The following SNTG1 variants were observed in gnomAD, a reference collection of about 807,000 sequenced individuals.
SNTG1 encodes gamma-1-syntrophin.
SNTG1 carries 39 observed loss-of-function variants against 74.7 expected under a neutral mutation model. The observed-to-expected ratio is 0.52, with a 90% CI of 0.40 to 0.68. The LOEUF is 0.68. Ranked by LOEUF, SNTG1 falls within the 30% of genes least tolerant of loss-of-function variation. The pLI is 0.00. For synonymous variants in SNTG1, 254 were observed against 217.1 expected (o/e 1.17, Z -1.49); for missense variants, 685 against 609.5 (o/e 1.12, Z -1.30).
intron 12 of SNTG1, among the ~76,000 whole-genome samples, chr8:50,576,589 C>A (rs1426146277): frequency 6.6e-6 from 1 of 151,994 alleles, no homozygotes; most frequent in Non-Finnish European, 1.5e-5. Flanking sequence ...ATCTTCACAT[C>A]TATGAAGATG....
intron 15 of SNTG1, among the ~76,000 whole-genome samples, chr8:50,669,830 A>C (rs1304733222): frequency 6.6e-6 from 1 of 152,166 alleles, no homozygotes; most frequent in Non-Finnish European, 1.5e-5. Context: ...GCACATCAAA[A>C]AGCTTATCCA....
intron 2 of SNTG1, among the ~76,000 whole-genome samples, chr8:50,288,487 G>A (rs928739625): frequency 2.6e-5 from 4 of 152,152 alleles, no homozygotes; most frequent in Non-Finnish European, 4.4e-5. Context: ...TATACTGCCT[G>A]TGAGAGCAGA....
At position 50,122,931 on chromosome 8, in the gene SNTG1, T is replaced by C. The variant is rs771957949; in HGVS notation, c.-102-49630T>C. Among the ~76,000 whole-genome samples the C allele has an allele frequency of 5.6e-5, 8 of 142,518 alleles. 1 individual carries two copies. Among genetic ancestry groups the C allele is most frequent in the African/African-American group, 5.1e-5 (2 of 39,368 alleles). The allele number at this position is 142,518 out of a possible 152,430, so 93.5% of individuals were successfully genotyped here. A position where few individuals can be genotyped will look rare whatever the true frequency, so the allele number is the denominator to read the frequency against. On this transcript the variant is annotated intron_variant, in intron 1 of 18. Coordinates refer to ENST00000642720, the MANE Select transcript of SNTG1 (RefSeq NM_018967.5). ...TGGAAATACATTTATTTAACAAATA[T>C]TTACATAGAGGCTTTTATGTGCTAA...
intron 13 of SNTG1, among the ~76,000 whole-genome samples, chr8:50,602,963 G>T (rs553801662): frequency 2.8e-5 from 4 of 144,048 alleles, no homozygotes; most frequent in Non-Finnish European, 6.0e-5. Flanking sequence ...TCTGGCCTTT[G>T]GAAGTTTGAT....
rs2095700589 is a variant in SNTG1, at chr8:50,794,703, G to A, written c.*1874G>A. The A allele has an allele frequency of 6.6e-6, 1 of 151,974 alleles. No homozygotes were observed. Among genetic ancestry groups the A allele is most frequent in the Non-Finnish European group, 1.5e-5 (1 of 67,938 alleles). The allele number at this position is 151,974 out of a possible 1,614,324, so 9.4% of individuals were successfully genotyped here. On this transcript the variant is annotated 3_prime_UTR_variant, in exon 19 of 19. Transcript: ENST00000642720. ...CAGCTGTGGCAAGTGGTTCATTATG[G>A]AACTTCTGCTTCCAACCAGAGCTGA... is the stretch of plus-strand genomic sequence containing the variant.
intron 2 of SNTG1, among the ~76,000 whole-genome samples, chr8:50,254,689 T>C (rs2086795084): frequency 6.6e-6 from 1 of 151,752 alleles, no homozygotes; most frequent in South Asian, 2.1e-4. Flanking sequence ...CTACTAAAAA[T>C]ACAAAAATTA....
chr8:50,112,405 G>A (rs2131308278), intron 1 of SNTG1, among the ~76,000 whole-genome samples: 1 of 150,838 alleles, frequency 6.6e-6, no homozygotes, highest in East Asian at 2.0e-4. Flanking sequence ...AAGCAATACA[G>A]CAATTGGATC....
chr8:50,188,126 A>G (rs2083447940), intron 2 of SNTG1, among the ~76,000 whole-genome samples: 1 of 152,142 alleles, frequency 6.6e-6, no homozygotes, highest in Non-Finnish European at 1.5e-5. Context: ...CCACTTATTG[A>G]CAATCATTCT....
chr8:50,550,684 A>AGTGTGT lies in SNTG1; in HGVS notation c.681-2361_681-2356dup, dbSNP rs201370751. Among the ~76,000 whole-genome samples, 199 of 145,444 alleles carry AGTGTGT rather than the reference A, an allele frequency of 1.4e-3. 1 individual carries two copies. Among genetic ancestry groups the AGTGTGT allele is most frequent in the African/African-American group, 4.9e-3 (183 of 37,648 alleles). ...ACTCTTCAGTGATGTAATTTTTTTT[A>AGTGTGT]GTGTGTGTGTATATATATATATATG... On this transcript the variant is annotated intron_variant, in intron 11 of 18. Transcript: ENST00000642720.
At chr8:49,991,186 A>G (rs1813651174) in intron 1 of SNTG1, among the ~76,000 whole-genome samples, 1 of 152,180 alleles carries the variant, frequency 6.6e-6, no homozygotes, top group Non-Finnish European at 1.5e-5. Context: ...AACACATGAA[A>G]AAGATGATCA....
intron 1 of SNTG1, among the ~76,000 whole-genome samples, chr8:49,945,320 TGG>T (rs1809076705): frequency 6.6e-6 from 1 of 152,190 alleles, no homozygotes; most frequent in Admixed American, 6.5e-5. Context: ...GTGGAACTTT[TGG>T]GAGCAGCATC....
intron 2 of SNTG1, among the ~76,000 whole-genome samples, chr8:50,205,985 T>C (rs2084213956): frequency 6.6e-6 from 1 of 152,150 alleles, no homozygotes; most frequent in South Asian, 2.1e-4. Context: ...GTAGTATAGT[T>C]TGAAGTCAGG....
chr8:50,571,445 G>A (rs937512677), intron 12 of SNTG1, among the ~76,000 whole-genome samples: 3 of 152,208 alleles, frequency 2.0e-5, no homozygotes, highest in African/African-American at 7.2e-5. Flanking sequence ...CTCAATAGAC[G>A]AGCTGTTTGG....
At chr8:50,646,290 G>T (rs1048079803) in intron 13 of SNTG1, among the ~76,000 whole-genome samples, 1 of 152,090 alleles carries the variant, frequency 6.6e-6, no homozygotes, top group African/African-American at 2.4e-5. Flanking sequence ...TCTGTCCTTT[G>T]GAAGGTTCAT....
chr8:50,039,835 G>A (rs905673362), intron 1 of SNTG1, among the ~76,000 whole-genome samples: 6 of 152,164 alleles, frequency 3.9e-5, no homozygotes, highest in Non-Finnish European at 7.4e-5. Context: ...AGACCCGTAA[G>A]TCATGATTCA....
chr8:50,556,816 G>A (rs2094458192), intron 12 of SNTG1, among the ~76,000 whole-genome samples: 1 of 152,150 alleles, frequency 6.6e-6, no homozygotes, highest in Non-Finnish European at 1.5e-5. Flanking sequence ...AGTGAGCTCT[G>A]AAGCAGACAC....
At chr8:50,237,936 G>A (rs1006584856) in intron 2 of SNTG1, among the ~76,000 whole-genome samples, 5 of 152,096 alleles carry the variant, frequency 3.3e-5, no homozygotes, top group African/African-American at 1.2e-4. Context: ...AACAGTCTTC[G>A]TTTCTTTGCC....
At chr8:50,556,343 G>C (rs1208498164) in intron 12 of SNTG1, among the ~76,000 whole-genome samples, 1 of 151,932 alleles carries the variant, frequency 6.6e-6, no homozygotes, top group East Asian at 1.9e-4. Context: ...GGGTGGGTGG[G>C]GTTCAGCTCA....
intron 4 of SNTG1, among the ~76,000 whole-genome samples, chr8:50,437,874 A>C (rs2093320568): frequency 6.6e-6 from 1 of 152,192 alleles, no homozygotes; most frequent in Non-Finnish European, 1.5e-5. Context: ...TCATGCCATC[A>C]TCTTTGTGAT....
Sources: allele counts gnomAD v4.1 joint callset (sites outside exome capture counted in the v4.1 genomes callset), GRCh38; gene constraint gnomAD v4.1.1; transcripts MANE v1.5; gene names NCBI Gene and HGNC (gene_info 2026-07-23, HGNC 2026-07-21).